Variants in AP3D1 observed in about 807,000 individuals in gnomAD.
The protein encoded by AP3D1 is AP-3 complex subunit delta-1.
In AP3D1, 51 loss-of-function variants were observed where a neutral mutation model predicts 147.6. The ratio of observed to expected loss-of-function variants is 0.35; its 90% CI spans 0.28 to 0.44. The LOEUF (loss-of-function observed/expected upper bound fraction) is 0.44, where lower values mean the gene tolerates loss of function less well. Among genes scored for constraint, AP3D1 ranks in the 20% least tolerant of loss-of-function variants. The pLI, the probability that AP3D1 is intolerant of heterozygous loss-of-function variation, is 1.00. For missense variants in AP3D1, 1,421 were observed against 1,624.2 expected, an observed-to-expected ratio of 0.87 and a Z score of 2.15; for synonymous variants, 760 against 663.0, an observed-to-expected ratio of 1.15 and a Z score of -2.25.
intron 8 of AP3D1, among the ~76,000 whole-genome samples, chr19:2,128,636 T>G (rs1283853534): frequency 3.0e-4 from 2 of 6,758 alleles, no homozygotes; most frequent in African/African-American, 6.7e-4. Flanking sequence ...CCCCCGCCGC[T>G]CCGACACTGC....
intron 8 of AP3D1, among the ~76,000 whole-genome samples, chr19:2,127,792 G>A (rs1001623730): frequency 6.6e-6 from 1 of 152,338 alleles, no homozygotes; most frequent in Admixed American, 6.5e-5. Flanking sequence ...CTCCCAAAGC[G>A]CTGGGATCAC....
rs538832230 is a variant in AP3D1 at position 2,148,697 on chromosome 19, T to G, written c.96+2542A>C. ...AGGGGGCTCTAGATGGGCCGCCCCA[T>G]GAAGTCAGCCAGTCAGCCCAAGCAC... On this transcript the variant is annotated intron_variant, in intron 1 of 31. Transcript: ENST00000643116. Among the ~76,000 whole-genome samples, 4 of 152,306 alleles carry G rather than the reference T, an allele frequency of 2.6e-5. No homozygotes were observed. The East Asian group carries it at 7.7e-4, about 29-fold the overall frequency.
rs900081111 is a variant in AP3D1, at chr19:2,149,317, G to A, written c.96+1922C>T. Reference sequence around the variant, plus strand: ...TTCTAACACTCTGGGAGGCTAAGGCGGGTGGATCACTGAGGTCAGGAGTTT... The same window carrying A: ...TTCTAACACTCTGGGAGGCTAAGGCAGGTGGATCACTGAGGTCAGGAGTTT... On this transcript the variant is annotated intron_variant, in intron 1 of 31. Transcript: ENST00000643116. Among the ~76,000 whole-genome samples, 5 of 152,270 alleles carry A rather than the reference G, an allele frequency of 3.3e-5. No individual in the cohort carries two copies. In the South Asian group the frequency reaches 6.2e-4, roughly 19 times the overall value.
At chr19:2,116,325 C>A (rs778417478) in intron 17 of AP3D1, 47 bp from the exon 18 acceptor site, 12 of 1,583,604 alleles carry the variant, frequency 7.6e-6, no homozygotes, top group Middle Eastern at 1.7e-4. Context: ...GGGCAGGATA[C>A]CCCTCTGTGG....
At chr19:2,105,780 C>G (rs1013064103) in intron 31 of AP3D1, among the ~76,000 whole-genome samples, 1 of 152,176 alleles carries the variant, frequency 6.6e-6, no homozygotes, top group African/African-American at 2.4e-5. Context: ...AGATCAGCTC[C>G]AGCCGCCTCA....
chr19:2,135,991 C>T (rs1415676734), intron 4 of AP3D1, among the ~76,000 whole-genome samples: 2 of 151,566 alleles, frequency 1.3e-5, no homozygotes, highest in African/African-American at 4.9e-5. Context: ...AGGAGACTCC[C>T]GCCCAGGCCC....
chr19:2,106,775 G>A (rs972999803), intron 31 of AP3D1, among the ~76,000 whole-genome samples: 1 of 152,184 alleles, frequency 6.6e-6, no homozygotes, highest in Non-Finnish European at 1.5e-5. Flanking sequence ...TTAAGGACAT[G>A]AGGTGTAATA....
In AP3D1 at chr19:2,101,433, T is replaced by TGCC. The variant is rs1372119946; in HGVS notation, c.*739_*740insGGC. 6.8e-6 allele frequency: 1 copy of TGCC among 147,880 alleles called. No homozygotes were observed. The highest frequency in any genetic ancestry group is 1.5e-5 in the Non-Finnish European group (1 of 67,642). 9.2% of individuals were successfully genotyped at this position (147,880 alleles called of 1,614,324 possible). A position where few individuals can be genotyped will look rare whatever the true frequency, so the allele number is the denominator to read the frequency against. On this transcript the variant is annotated 3_prime_UTR_variant, in exon 32 of 32. Coordinates refer to ENST00000643116, the MANE Select transcript of AP3D1 (RefSeq NM_001261826.3). ...GGATGTGGGGAAACCTTGGTGCGCA[T>TGCC]AGTGGCAAGCAGGGGATGCGGACCA...
chr19:2,154,450 T>G (rs2019629220), upstream of AP3D1, among the ~76,000 whole-genome samples: 1 of 151,966 alleles, frequency 6.6e-6, no homozygotes, highest in Non-Finnish European at 1.5e-5. Flanking sequence ...CAGCTAATTT[T>G]TGTATTTTAG....
chr19:2,136,582 G>C (rs558219408), intron 4 of AP3D1, among the ~76,000 whole-genome samples: 7 of 152,302 alleles, frequency 4.6e-5, no homozygotes, highest in Admixed American at 2.6e-4. Flanking sequence ...ACATGGTGCT[G>C]AAAAATGCAC....
chr19:2,109,012 G>A (rs948831094), intron 30 of AP3D1, 74 bp downstream of exon 30: 34 of 1,584,386 alleles, frequency 2.1e-5, no homozygotes, highest in African/African-American at 1.6e-4. Context: ...CCACAGGCCC[G>A]GCTCCAATAG....
Position 2,141,917 on chromosome 19 carries a change from T to C in AP3D1, c.97-3203A>G, listed in dbSNP as rs370942804. Among the ~76,000 whole-genome samples the C allele has an allele frequency of 6.6e-5, 10 of 150,554 alleles. No homozygotes were observed. The East Asian group carries it at 1.5e-3, about 23-fold the overall frequency. ...GGGCCATGCCACCATATTGGGCGAA[T>C]TTTTAAAATTATATATATTTATATA... is the stretch of plus-strand genomic sequence containing the variant. On this transcript the variant is annotated intron_variant, in intron 1 of 31. Coordinates refer to ENST00000643116, the MANE Select transcript of AP3D1 (RefSeq NM_001261826.3).
intron 12 of AP3D1, 95 bp downstream of exon 12, chr19:2,121,639 G>A: frequency 1.4e-6 from 2 of 1,457,610 alleles, no homozygotes; most frequent in Non-Finnish European, 1.8e-6. Context: ...GAGTGTGAGG[G>A]GACTCCATGC....
intron 5 of AP3D1, among the ~76,000 whole-genome samples, chr19:2,131,849 C>CCACGCGGGGACGGT (rs2018960129): frequency 2.2e-5 from 3 of 136,838 alleles, no homozygotes; most frequent in Non-Finnish European, 4.5e-5. Flanking sequence ...GCGGGGACAG[C>CCACGCGGGGACGGT]GCCCATCGGC....
rs1341588188 is a variant in AP3D1 at position 2,124,375 on chromosome 19, C to A, written c.857-496G>T. 2.6e-5 allele frequency among the ~76,000 whole-genome samples: 4 copies of A among 152,228 alleles called. No homozygotes were observed. The East Asian group carries it at 7.7e-4, about 29-fold the overall frequency. On this transcript the variant is annotated intron_variant, in intron 9 of 31. Coordinates refer to ENST00000643116, the MANE Select transcript of AP3D1 (RefSeq NM_001261826.3). The stretch of plus-strand genomic sequence containing the variant: ...CCTGGCCTCCCCAACATCCCCGGAG[C>A]CATTCCCCTTTGCTGACTCTGCTGC...
intron 1 of AP3D1, among the ~76,000 whole-genome samples, chr19:2,142,358 C>T (rs2019244873): frequency 1.3e-5 from 2 of 152,164 alleles, no homozygotes; most frequent in Admixed American, 1.3e-4. Context: ...CTATGTTGCC[C>T]AGGCTGGTCT....
At chr19:2,137,121 G>C in intron 3 of AP3D1, 30 bp from the exon 4 acceptor site, 1 of 1,550,924 alleles carries the variant, frequency 6.4e-7, no homozygotes, top group East Asian at 2.4e-5. Flanking sequence ...CACATCAGAG[G>C]CAGGACACCC....
chr19:2,162,677 C>A (rs567298221), intron 1 of AP3D1, among the ~76,000 whole-genome samples: 1 of 119,064 alleles, frequency 8.4e-6, no homozygotes, highest in East Asian at 2.6e-4. Flanking sequence ...ACAAACCCCC[C>A]CACTCAAAAA....
chr19:2,163,546 C>CT (rs566822929), intron 1 of AP3D1, among the ~76,000 whole-genome samples: 5 of 150,008 alleles, frequency 3.3e-5, no homozygotes, highest in Non-Finnish European at 7.4e-5. Context: ...GAATACTGGA[C>CT]TTGGAGCTAC....
Sources: allele counts gnomAD v4.1 joint callset (sites outside exome capture counted in the v4.1 genomes callset), GRCh38; gene constraint gnomAD v4.1.1; transcripts MANE v1.5; gene names NCBI Gene and HGNC (gene_info 2026-07-23, HGNC 2026-07-21).